The following RBM4B variants were observed in gnomAD, a reference collection of about 807,000 sequenced individuals.
RBM4B encodes the protein RNA-binding protein 4B.
In RBM4B, 13 loss-of-function variants were observed where a neutral mutation model predicts 28.5. The observed-to-expected ratio is 0.46, with a 90% CI of 0.30 to 0.72. The LOEUF (loss-of-function observed/expected upper bound fraction) is 0.72. Among genes scored for constraint, RBM4B ranks in the 30% least tolerant of loss-of-function variants. The pLI is 0.09. For synonymous variants in RBM4B, 167 were observed against 179.1 expected, an observed-to-expected ratio of 0.93 and a Z score of 0.54; for missense variants, 387 against 477.6, an observed-to-expected ratio of 0.81 and a Z score of 1.77.
chr11:66,669,050 G>C lies in RBM4B; in HGVS notation c.654C>G (p.Leu218=). The C allele has an allele frequency of 6.2e-7, 1 of 1,614,154 alleles. No homozygotes were observed. The highest frequency in any genetic ancestry group is 1.1e-5 in the South Asian group (1 of 91,072). ...SMYYNDAYGA[L]DYYKRYRVRS... ...GGACCCGGTATCGCTTATAGTAGTC[G>C]AGTGCTCCATATGCATCGTTGTAAT... The change falls in exon 3 of 4, where the codon CTC becomes CTG. Residue 218 remains leucine (L), a synonymous_variant. Coordinates refer to ENST00000310046, the MANE Select transcript of RBM4B (RefSeq NM_031492.4).
chr11:66,674,182 T>C (rs1356579004), intron 2 of RBM4B, among the ~76,000 whole-genome samples: 5 of 151,608 alleles, frequency 3.3e-5, no homozygotes, highest in African/African-American at 9.7e-5. Context: ...TTTTTCTTTT[T>C]TTTTTTTTTT....
intron 2 of RBM4B, among the ~76,000 whole-genome samples, chr11:66,673,972 G>A (rs1338907179): frequency 6.6e-6 from 1 of 152,140 alleles, no homozygotes; most frequent in South Asian, 2.1e-4. Context: ...ATCTCCAGAG[G>A]AGCCAAGTTA....
At chr11:66,674,151 TCCC>T (rs1565096018) in intron 2 of RBM4B, among the ~76,000 whole-genome samples, 1 of 149,552 alleles carries the variant, frequency 6.7e-6, no homozygotes, top group African/African-American at 2.5e-5. Context: ...CTAAGCCAAC[TCCC>T]CCCAATTAAC....
At chr11:66,674,516 A>C (rs1197719728) in intron 2 of RBM4B, among the ~76,000 whole-genome samples, 51 of 143,838 alleles carry the variant, frequency 3.5e-4, no homozygotes, top group Non-Finnish European at 6.3e-4. Flanking sequence ...CGTGAGCCAC[A>C]GCACCCGGCC....
At chr11:66,665,925 G>A (rs1590878048) in intron 3 of RBM4B, 2 of 1,535,474 alleles carry the variant, frequency 1.3e-6, no homozygotes, top group East Asian at 4.9e-5. Context: ...TTCAAGAACT[G>A]CAATTTAATT....
intron 3 of RBM4B, chr11:66,666,355 T>G: frequency 9.9e-7 from 1 of 1,012,222 alleles, no homozygotes; most frequent in Non-Finnish European, 1.2e-6. Flanking sequence ...TGTGACGTTC[T>G]TGGATCAGTT....
chr11:66,672,301 T>C (rs1369576108), intron 2 of RBM4B, among the ~76,000 whole-genome samples: 1 of 149,618 alleles, frequency 6.7e-6, no homozygotes, highest in Non-Finnish European at 1.5e-5. Context: ...TCCCAGCTAC[T>C]TGGGAAGCTG....
intron 2 of RBM4B, among the ~76,000 whole-genome samples, chr11:66,673,128 G>A (rs1939524193): frequency 6.6e-6 from 1 of 152,056 alleles, no homozygotes; most frequent in Non-Finnish European, 1.5e-5. Context: ...AGAAAAGACT[G>A]GGGATGTAGC....
At chr11:66,671,103 A>G in intron 2 of RBM4B, 1 of 691,080 alleles carries the variant, frequency 1.4e-6, no homozygotes, top group East Asian at 2.7e-5. Flanking sequence ...CCAATGTCAA[A>G]GAGTCCTATC....
chr11:66,665,581 G>C lies in RBM4B; in HGVS notation c.*10-3C>G. The stretch of plus-strand genomic sequence containing the variant: ...GGTTCAGTCCGCAATTATCCTACCT[G>C]AAAGAGAGCACAACACAAGAGGCTT... On this transcript the variant is annotated splice_polypyrimidine_tract_variant and splice_region_variant and intron_variant, in intron 3 of 3. Coordinates refer to ENST00000310046, the MANE Select transcript of RBM4B (RefSeq NM_031492.4). The C allele has an allele frequency of 6.5e-7, 1 of 1,535,900 alleles. No individual in the cohort carries two copies. The highest frequency in any genetic ancestry group is 8.7e-7 in the Non-Finnish European group (1 of 1,146,786).
chr11:66,670,832 G>C, intron 2 of RBM4B: 1 of 625,098 alleles, frequency 1.6e-6, no homozygotes. Flanking sequence ...AATGGAAAAC[G>C]CAGTCAGTAC....
intron 2 of RBM4B, 170 bp downstream of exon 2, chr11:66,676,498 G>A (rs1939640490): frequency 5.2e-6 from 4 of 769,438 alleles, no homozygotes; most frequent in Non-Finnish European, 6.1e-6. Flanking sequence ...AAAAGGGGAA[G>A]TGTTTGCTTC....
In RBM4B at chr11:66,668,721, A is replaced by G. The variant is rs1939343578; in HGVS notation, c.983T>C (p.Leu328Ser). ...EGYGYGPESE[L>S]SQASAATRNS... ...CCGTGTAGCTGCGGAAGCCTGAGATAATTCACTCTCTGGCCCATAACCGTA... is the reference window on the plus strand; with the variant it reads ...CCGTGTAGCTGCGGAAGCCTGAGATGATTCACTCTCTGGCCCATAACCGTA... Residue 328 changes from leucine to serine, a missense_variant, in exon 3 of 4, where the codon TTA becomes TCA. Physicochemically the swap from Leu to Ser is moderately radical, Grantham distance 145 (BLOSUM62 -2). Coordinates refer to ENST00000310046, the MANE Select transcript of RBM4B (RefSeq NM_031492.4). 6 of 1,613,764 alleles carry G rather than the reference A, an allele frequency of 3.7e-6. No individual in the cohort carries two copies. The highest frequency in any genetic ancestry group is 2.7e-5 in the African/African-American group (2 of 74,918).
chr11:66,672,511 G>C (rs905448442), intron 2 of RBM4B, among the ~76,000 whole-genome samples: 6 of 150,776 alleles, frequency 4.0e-5, no homozygotes, highest in Admixed American at 2.6e-4. Flanking sequence ...TTTTTGGGGG[G>C]GGGGGACAGA....
At position 66,672,090 on chromosome 11, in the gene RBM4B, C is replaced by T. The variant is rs117739708; in HGVS notation, c.413-2799G>A. On this transcript the variant is annotated intron_variant, in intron 2 of 3. Transcript: ENST00000310046. ...CTAAAAAAATCTATAATAGGGGTGACGAGTTTAAAAAAATTTTTTCAAACA... is the reference window on the plus strand; with the variant it reads ...CTAAAAAAATCTATAATAGGGGTGATGAGTTTAAAAAAATTTTTTCAAACA... Among the ~76,000 whole-genome samples the T allele has an allele frequency of 4.0e-4, 60 of 151,820 alleles. 1 individual carries two copies. In the East Asian group the frequency reaches 0.011, roughly 29 times the overall value.
chr11:66,668,864 G>A lies in RBM4B; in HGVS notation c.840C>T (p.Gly280=), dbSNP rs766783379. 1.1e-5 allele frequency: 17 copies of A among 1,614,172 alleles called. No individual in the cohort carries two copies. The highest frequency in any genetic ancestry group is 4.4e-5 in the South Asian group (4 of 91,086). Residue 280 remains glycine, a synonymous_variant, in exon 3 of 4, where the codon GGC becomes GGT. Transcript: ENST00000310046. ...CCATAGCAGCTGAAGTGGCAGCAGC[G>A]CCAGAGTTTGGCAATAGGTGTCTGT... The part of the protein sequence containing the change: ...PYDRHLLPNS[G]AAATSAAMAA...
intron 3 of RBM4B, chr11:66,666,600 GACC>G (rs1310395323): frequency 1.7e-5 from 3 of 175,122 alleles, no homozygotes; most frequent in African/African-American, 7.2e-5. Flanking sequence ...ACCTTTTGAA[GACC>G]ACAATATATG....
At chr11:66,674,675 C>A (rs543418106) in intron 2 of RBM4B, among the ~76,000 whole-genome samples, 1 of 152,042 alleles carries the variant, frequency 6.6e-6, no homozygotes, top group East Asian at 1.9e-4. Flanking sequence ...TCAAGCGATT[C>A]TCCTGTCTCA....
chr11:66,674,181 T>TC (rs1225727295), intron 2 of RBM4B, among the ~76,000 whole-genome samples: 3 of 151,554 alleles, frequency 2.0e-5, no homozygotes, highest in Non-Finnish European at 2.9e-5. Flanking sequence ...TTTTTTCTTT[T>TC]TTTTTTTTTT....
Sources: gnomAD v4.1 joint callset for allele counts (sites outside exome capture counted in the v4.1 genomes callset) on GRCh38, gnomAD v4.1.1 for gene constraint, MANE v1.5 for transcripts, NCBI Gene and HGNC (gene_info 2026-07-23, HGNC 2026-07-21) for gene names.